Variants in SKIC3 observed in about 807,000 individuals in gnomAD.
SKIC3 encodes the protein SKI3 subunit of superkiller complex.
chr5:95,535,512 G>A, the SKIC3 span, among the ~76,000 whole-genome samples: 9 of 150,674 alleles, frequency 6.0e-5, no homozygotes, highest in Non-Finnish European at 1.0e-4. Flanking sequence ...CGGTTTCACC[G>A]TGTTAGCCAG....
At chr5:95,518,454 TC>T in the SKIC3 span, among the ~76,000 whole-genome samples, 1 of 152,060 alleles carries the variant, frequency 6.6e-6, no homozygotes, top group Non-Finnish European at 1.5e-5. Flanking sequence ...TACCCATATA[TC>T]CTTTCCCCCT....
At chr5:95,464,404 T>C in the SKIC3 span, 2 of 508,840 alleles carry the variant, frequency 3.9e-6, no homozygotes, top group Non-Finnish European at 6.8e-6. Flanking sequence ...TTTCCCAAAT[T>C]AAATTTTTTT....
At chr5:95,499,497 T>C in the SKIC3 span, among the ~76,000 whole-genome samples, 3 of 152,176 alleles carry the variant, frequency 2.0e-5, no homozygotes, top group East Asian at 5.8e-4. Context: ...TCTCTGTAAA[T>C]TACCCAGTCT....
the SKIC3 span, among the ~76,000 whole-genome samples, chr5:95,476,930 G>A: frequency 6.6e-6 from 1 of 152,320 alleles, no homozygotes; most frequent in African/African-American, 2.4e-5. Flanking sequence ...AAGTGCTATA[G>A]TTTGCTATTG....
chr5:95,503,823 T>C, the SKIC3 span: 2 of 1,613,856 alleles, frequency 1.2e-6, no homozygotes, highest in East Asian at 2.2e-5. Flanking sequence ...CCTTTGCTGC[T>C]CTCTTTATAA....
At chr5:95,551,956 T>C in the SKIC3 span, among the ~76,000 whole-genome samples, 5 of 151,844 alleles carry the variant, frequency 3.3e-5, no homozygotes, top group Admixed American at 2.0e-4. Flanking sequence ...ACTAGTGTGA[T>C]AACTCAGTGT....
At chr5:95,493,604 CT>C in the SKIC3 span, among the ~76,000 whole-genome samples, 2 of 151,932 alleles carry the variant, frequency 1.3e-5, no homozygotes, top group Non-Finnish European at 2.9e-5. Context: ...AGAATATTGA[CT>C]TTTTTTACTT....
At chr5:95,534,646 T>C in the SKIC3 span, among the ~76,000 whole-genome samples, 1 of 152,226 alleles carries the variant, frequency 6.6e-6, no homozygotes, top group Admixed American at 6.5e-5. Flanking sequence ...CTTGTGTTGC[T>C]TCTCGTCAGA....
At chr5:95,470,102 G>A in the SKIC3 span, among the ~76,000 whole-genome samples, 24 of 151,302 alleles carry the variant, frequency 1.6e-4, no homozygotes, top group Non-Finnish European at 2.5e-4. Context: ...CTCAGCCTCC[G>A]GAGTAGCTGG....
the SKIC3 span, chr5:95,490,917 A>T: frequency 1.9e-6 from 3 of 1,614,186 alleles, no homozygotes; most frequent in Non-Finnish European, 2.5e-6. Context: ...CTTGAAGCAG[A>T]AACAGCAGAT....
At chr5:95,516,947 T>C in the SKIC3 span, 13 of 1,611,390 alleles carry the variant, frequency 8.1e-6, no homozygotes, top group Non-Finnish European at 1.0e-5. Context: ...CTCCTTAAGA[T>C]CATTCATGTT....
chr5:95,467,885 T>A, the SKIC3 span: 5 of 1,613,656 alleles, frequency 3.1e-6, no homozygotes, highest in South Asian at 5.5e-5. Context: ...CTCATAGTCA[T>A]CTTTGGCATA....
At chr5:95,471,632 G>T in the SKIC3 span, among the ~76,000 whole-genome samples, 1 of 152,028 alleles carries the variant, frequency 6.6e-6, no homozygotes. Context: ...TCCCAGGCTA[G>T]AGTATGGTTA....
chr5:95,482,617 G>A, the SKIC3 span: 1 of 1,613,854 alleles, frequency 6.2e-7, no homozygotes, highest in South Asian at 1.1e-5. Flanking sequence ...GCTGATCAGG[G>A]TTACTTTTTA....
At chr5:95,504,740 C>T in the SKIC3 span, among the ~76,000 whole-genome samples, 10 of 151,930 alleles carry the variant, frequency 6.6e-5, no homozygotes, top group African/African-American at 2.4e-4. Context: ...GTGGCTCACA[C>T]CTGTAATCCC....
the SKIC3 span, among the ~76,000 whole-genome samples, chr5:95,485,451 T>G: frequency 2.0e-5 from 3 of 152,236 alleles, no homozygotes; most frequent in East Asian, 5.8e-4. Context: ...CATTTTCAAA[T>G]GGTACATCAA....
the SKIC3 span, chr5:95,528,117 T>A: frequency 6.2e-7 from 1 of 1,613,848 alleles, no homozygotes; most frequent in Non-Finnish European, 8.5e-7. Context: ...TAAAGACTGT[T>A]ACCAGACGCA....
the SKIC3 span, chr5:95,540,554 G>A: frequency 1.8e-6 from 2 of 1,102,954 alleles, no homozygotes; most frequent in Admixed American, 2.1e-5. Flanking sequence ...AGGTGCAAAT[G>A]AACACATGAA....
At chr5:95,484,548 T>C in the SKIC3 span, among the ~76,000 whole-genome samples, 1 of 152,066 alleles carries the variant, frequency 6.6e-6, no homozygotes, top group Non-Finnish European at 1.5e-5. Flanking sequence ...CCTCTCGCTA[T>C]GTTGCCTAGG....
Sources: gnomAD v4.1 joint callset for allele counts (sites outside exome capture counted in the v4.1 genomes callset) on GRCh38, gnomAD v4.1.1 for gene constraint, MANE v1.5 for transcripts, NCBI Gene and HGNC (gene_info 2026-07-23, HGNC 2026-07-21) for gene names.